BTBD9: variants seen among roughly 807,000 people sequenced by gnomAD.
BTBD9 encodes the protein BTB domain containing 9, also known as BTB/POZ domain-containing protein 9.
BTBD9 carries 49 observed loss-of-function variants against 64.3 expected under a neutral mutation model. The observed-to-expected ratio is 0.76, with a 90% CI of 0.61 to 0.97. The LOEUF (loss-of-function observed/expected upper bound fraction) is 0.97. Ranked by LOEUF, BTBD9 falls within the 50% of genes least tolerant of loss-of-function variation. BTBD9 has a pLI of 0.00. For synonymous variants in BTBD9, 260 were observed against 274.7 expected (o/e 0.95, Z 0.53); for missense variants, 598 against 762.1 (o/e 0.78, Z 2.53).
In BTBD9 at chr6:38,588,382, G is replaced by C. The variant is rs577914561; in HGVS notation, c.814+4194C>G. The C allele has an allele frequency of 8.8e-5, 74 of 840,486 alleles. 2 individuals are homozygous for C. In the South Asian group the frequency reaches 9.2e-4, roughly 10 times the overall value. 52.1% of individuals were successfully genotyped at this position (840,486 alleles called of 1,614,324 possible). ...GGCCCCTGCCTCTCAACCTAGAATG[G>C]CTCCAAGCCAACCTGGGGCCTATAG... On this transcript the variant is annotated intron_variant, in intron 4 of 10. Coordinates refer to ENST00000481247, the MANE Select transcript of BTBD9 (RefSeq NM_001099272.2).
chr6:38,393,317 G>A (rs1004242650), intron 6 of BTBD9, among the ~76,000 whole-genome samples: 9 of 152,190 alleles, frequency 5.9e-5, no homozygotes, highest in Non-Finnish European at 8.8e-5. Context: ...CTGAGGGGAG[G>A]AGGCAGGGCC....
In BTBD9 at chr6:38,373,324, G is replaced by A. The variant is rs78918206; in HGVS notation, c.1155-28231C>T. On this transcript the variant is annotated intron_variant, in intron 6 of 10. Coordinates refer to ENST00000481247, the MANE Select transcript of BTBD9 (RefSeq NM_001099272.2). ...TTTTGGGACATATTATTCTGTGCAC[G>A]ATCTATTTTTCTCTATTGAACCTCA... is the stretch of plus-strand genomic sequence containing the variant. Among the ~76,000 whole-genome samples, 556 of 152,190 alleles carry A rather than the reference G, an allele frequency of 3.7e-3. 2 individuals carry two copies. Among genetic ancestry groups the A allele is most frequent in the East Asian group, 9.7e-3 (50 of 5,180 alleles).
chr6:38,515,084 GA>G (rs1034633758), intron 6 of BTBD9, among the ~76,000 whole-genome samples: 9 of 146,768 alleles, frequency 6.1e-5, no homozygotes, highest in East Asian at 2.0e-4. Flanking sequence ...GTTGTGCCTG[GA>G]AAAAAAAAAG....
At chr6:38,319,334 C>G (rs1449498905) in intron 7 of BTBD9, among the ~76,000 whole-genome samples, 2 of 152,112 alleles carry the variant, frequency 1.3e-5, no homozygotes, top group Non-Finnish European at 2.9e-5. Context: ...ATTATTCCGT[C>G]TCCTTTTCTC....
intron 7 of BTBD9, among the ~76,000 whole-genome samples, chr6:38,298,920 T>C (rs891887664): frequency 6.6e-5 from 10 of 151,972 alleles, no homozygotes; most frequent in Non-Finnish European, 4.4e-5. Context: ...GTTTGTTACA[T>C]ATGTATACAT....
chr6:38,542,204 G>A (rs990327856), intron 6 of BTBD9, among the ~76,000 whole-genome samples: 18 of 152,100 alleles, frequency 1.2e-4, no homozygotes, highest in Admixed American at 2.6e-4. Context: ...CAAGTCTTGC[G>A]TATCCAACTC....
intron 6 of BTBD9, among the ~76,000 whole-genome samples, chr6:38,494,312 C>G (rs992634244): frequency 1.3e-5 from 2 of 152,094 alleles, no homozygotes; most frequent in African/African-American, 4.8e-5. Flanking sequence ...GCCAAATTTC[C>G]CTCACCAAAT....
At chr6:38,604,124 A>G (rs1477350539) in intron 1 of BTBD9, among the ~76,000 whole-genome samples, 2 of 152,136 alleles carry the variant, frequency 1.3e-5, no homozygotes, top group Non-Finnish European at 2.9e-5. Flanking sequence ...CCAATTCTAA[A>G]CCTTGCAGAA....
intron 9 of BTBD9, among the ~76,000 whole-genome samples, chr6:38,206,415 A>AT (rs1395386807): frequency 1.3e-5 from 2 of 151,600 alleles, no homozygotes; most frequent in African/African-American, 4.9e-5. Flanking sequence ...TAATTTTTGT[A>AT]TTTTTAGTAG....
In BTBD9 at chr6:38,522,134, C is replaced by T. The variant is rs557075574; in HGVS notation, c.1154+55466G>A. Among the ~76,000 whole-genome samples the T allele has an allele frequency of 4.5e-4, 68 of 152,296 alleles. No individual in the cohort carries two copies. In the Middle Eastern group the frequency reaches 0.01, roughly 23 times the overall value. On this transcript the variant is annotated intron_variant, in intron 6 of 10. Transcript: ENST00000481247. ...GGCTCCGTCTTATCCTTCCCATCTG[C>T]TCCAGCTCCTTGCCAGTTCATTCCA...
intron 6 of BTBD9, chr6:38,402,753 A>G (rs2127239004): frequency 1.4e-6 from 1 of 698,184 alleles, no homozygotes; most frequent in Non-Finnish European, 2.6e-6. Context: ...ACCTTAGATT[A>G]GGCAACAATT....
chr6:38,219,713 T>G (rs1763134809), intron 9 of BTBD9, among the ~76,000 whole-genome samples: 1 of 152,178 alleles, frequency 6.6e-6, no homozygotes, highest in Admixed American at 6.5e-5. Flanking sequence ...ACTAAAAAGA[T>G]GAAAAAGCAG....
chr6:38,550,368 G>A (rs1275170349), intron 6 of BTBD9, among the ~76,000 whole-genome samples: 1 of 150,602 alleles, frequency 6.6e-6, no homozygotes, highest in Admixed American at 6.6e-5. Flanking sequence ...CCAGGCTGGA[G>A]TGCAGTGGTG....
intron 6 of BTBD9, among the ~76,000 whole-genome samples, chr6:38,425,869 A>T (rs1162776218): frequency 6.6e-6 from 1 of 151,158 alleles, no homozygotes; most frequent in East Asian, 1.9e-4. Flanking sequence ...GTGAGCCATA[A>T]TTAAGCCACT....
chr6:38,382,847 C>A (rs1765997011), intron 6 of BTBD9, among the ~76,000 whole-genome samples: 1 of 151,964 alleles, frequency 6.6e-6, no homozygotes, highest in Middle Eastern at 3.2e-3. Flanking sequence ...TTATCAAAAC[C>A]AACTCAATGA....
chr6:38,299,481 A>T (rs1008358940), intron 7 of BTBD9, among the ~76,000 whole-genome samples: 7 of 152,188 alleles, frequency 4.6e-5, no homozygotes, highest in Non-Finnish European at 8.8e-5. Context: ...CAACAGTGTA[A>T]AAGTGTTCCT....
At chr6:38,506,259 T>C (rs553769918) in intron 6 of BTBD9, among the ~76,000 whole-genome samples, 5 of 152,342 alleles carry the variant, frequency 3.3e-5, no homozygotes, top group Admixed American at 3.3e-4. Context: ...ATGTGTTTAA[T>C]ACACCTAACT....
chr6:38,293,175 G>T (rs980529103), intron 7 of BTBD9, among the ~76,000 whole-genome samples: 1 of 151,948 alleles, frequency 6.6e-6, no homozygotes, highest in Non-Finnish European at 1.5e-5. Flanking sequence ...GAACACAAAC[G>T]AATGGAAAAA....
intron 6 of BTBD9, among the ~76,000 whole-genome samples, chr6:38,507,773 T>C (rs1772597368): frequency 6.6e-6 from 1 of 151,824 alleles, no homozygotes; most frequent in South Asian, 2.1e-4. Context: ...ACACACTAAA[T>C]CATCTCATGT....
Sources: allele counts gnomAD v4.1 joint callset (sites outside exome capture counted in the v4.1 genomes callset), GRCh38; gene constraint gnomAD v4.1.1; transcripts MANE v1.5; gene names NCBI Gene and HGNC (gene_info 2026-07-23, HGNC 2026-07-21).